KATNAL1: variants seen among roughly 807,000 people sequenced by gnomAD.
KATNAL1 encodes the protein katanin p60 ATPase-containing subunit A-like 1.
Under a neutral mutation model 55.2 loss-of-function variants are expected in KATNAL1, and 32 were observed. The ratio of observed to expected loss-of-function variants is 0.58; its 90% confidence interval spans 0.44 to 0.78. The LOEUF is 0.78. Among genes scored for constraint, KATNAL1 ranks in the 30% least tolerant of loss-of-function variants. The probability of loss-of-function intolerance (pLI) is 0.00; values close to 1 mark genes in which losing one functional copy is unlikely to be tolerated. For missense variants in KATNAL1, 466 were observed against 600.9 expected, an observed-to-expected ratio of 0.78 and a Z score of 2.35; for synonymous variants, 193 against 193.6, an observed-to-expected ratio of 1.00 and a Z score of 0.02.
At chr13:30,256,734 T>C (rs79347570) in intron 3 of KATNAL1, among the ~76,000 whole-genome samples, 5,263 of 152,284 alleles carry the variant, frequency 0.035, 104 homozygotes, top group African/African-American at 0.051. Context: ...TAACATGTTG[T>C]GAGTCTGATA....
chr13:30,243,746 A>G (rs1375087777), intron 4 of KATNAL1, among the ~76,000 whole-genome samples: 2 of 152,116 alleles, frequency 1.3e-5, no homozygotes, highest in East Asian at 3.9e-4. Context: ...GCTACCACGC[A>G]TCGGAAATTA....
At chr13:30,218,227 T>TATATATATATATATATATATA (rs1555258842) in intron 9 of KATNAL1, among the ~76,000 whole-genome samples, 1 of 145,264 alleles carries the variant, frequency 6.9e-6, no homozygotes, top group African/African-American at 2.6e-5. Context: ...TATATATATA[T>TATATATATATATATATATATA]AAAGGACCTG....
chr13:30,290,430 T>C (rs1223300245), intron 1 of KATNAL1, among the ~76,000 whole-genome samples: 1 of 152,130 alleles, frequency 6.6e-6, no homozygotes, highest in Admixed American at 6.5e-5. Flanking sequence ...AATGGACAAA[T>C]TCTATGATGG....
intron 3 of KATNAL1, among the ~76,000 whole-genome samples, chr13:30,268,163 G>A (rs1879927078): frequency 6.6e-6 from 1 of 150,674 alleles, no homozygotes; most frequent in Non-Finnish European, 1.5e-5. Context: ...GGCCTACGCA[G>A]GTAACATCCC....
At chr13:30,277,390 G>A (rs535026612) in intron 3 of KATNAL1, among the ~76,000 whole-genome samples, 8 of 152,262 alleles carry the variant, frequency 5.3e-5, no homozygotes, top group African/African-American at 1.7e-4. Context: ...AGGTTAAATA[G>A]CTTGCTCAAG....
intron 1 of KATNAL1, among the ~76,000 whole-genome samples, chr13:30,293,739 C>T (rs1368570567): frequency 3.3e-5 from 5 of 152,148 alleles, no homozygotes; most frequent in Non-Finnish European, 5.9e-5. Context: ...CACAGGCCCA[C>T]CTCAGTTTAC....
intron 3 of KATNAL1, among the ~76,000 whole-genome samples, chr13:30,269,951 C>T (rs1250385932): frequency 6.7e-6 from 1 of 148,402 alleles, no homozygotes; most frequent in African/African-American, 2.5e-5. Flanking sequence ...TGAGGGGCAC[C>T]TCTGCCCGGC....
chr13:30,278,225 GA>G (rs2137525853), intron 3 of KATNAL1, among the ~76,000 whole-genome samples: 1 of 149,158 alleles, frequency 6.7e-6, no homozygotes, highest in East Asian at 2.0e-4. Flanking sequence ...TTTTTTTCCA[GA>G]CAATATACAA....
intron 1 of KATNAL1, among the ~76,000 whole-genome samples, chr13:30,300,213 G>A (rs1445359830): frequency 3.9e-5 from 6 of 152,182 alleles, no homozygotes; most frequent in African/African-American, 4.8e-5. Flanking sequence ...AATTTTATGT[G>A]AATGATGTCA....
intron 3 of KATNAL1, among the ~76,000 whole-genome samples, chr13:30,274,310 G>A (rs1880592561): frequency 6.6e-6 from 1 of 152,060 alleles, no homozygotes; most frequent in African/African-American, 2.4e-5. Flanking sequence ...TGCAATTTGG[G>A]ATGTAAAATA....
intron 3 of KATNAL1, among the ~76,000 whole-genome samples, chr13:30,259,497 G>A (rs200003122): frequency 8.5e-5 from 13 of 152,194 alleles, no homozygotes; most frequent in African/African-American, 1.4e-4. Context: ...GACAGTGGGC[G>A]CAGGTCAGTG....
chr13:30,221,871 A>C (rs1874895555), intron 9 of KATNAL1, among the ~76,000 whole-genome samples: 1 of 152,094 alleles, frequency 6.6e-6, no homozygotes. Flanking sequence ...GACCAACATG[A>C]GGAAACCCTG....
intron 3 of KATNAL1, among the ~76,000 whole-genome samples, chr13:30,266,115 A>G (rs557854210): frequency 6.6e-6 from 1 of 151,828 alleles, no homozygotes; most frequent in South Asian, 2.1e-4. Context: ...CCCAGGTTCA[A>G]GCGATTCTTC....
chr13:30,229,411 C>A (rs1207369873), intron 8 of KATNAL1, among the ~76,000 whole-genome samples: 1 of 152,088 alleles, frequency 6.6e-6, no homozygotes, highest in East Asian at 1.9e-4. Flanking sequence ...GATCTCAGGA[C>A]CCTTTTATAC....
At chr13:30,287,418 GT>G (rs2137546106) in intron 1 of KATNAL1, among the ~76,000 whole-genome samples, 3 of 152,300 alleles carry the variant, frequency 2.0e-5, no homozygotes, top group Middle Eastern at 6.8e-3. Context: ...CTGCAGCCCT[GT>G]GAAGAGGTGC....
rs1325685316 is a variant in KATNAL1 at position 30,205,924 on chromosome 13, TAGTG to T, written c.*2612_*2615del. 4.2e-5 allele frequency: 4 copies of T among 96,268 alleles called. No individual in the cohort carries two copies. The highest frequency in any genetic ancestry group is 3.9e-5 in the African/African-American group (1 of 25,870). 6.0% of individuals were successfully genotyped at this position (96,268 alleles called of 1,614,324 possible). Reference sequence around the variant, plus strand: ...TAAGGCAACACACTGTCTTCTGAAATAGTGTGTGTGTGTGTGTGTGTGTGTGTGT... The same window carrying T: ...TAAGGCAACACACTGTCTTCTGAAATTGTGTGTGTGTGTGTGTGTGTGTGT... On this transcript the variant is annotated 3_prime_UTR_variant, in exon 11 of 11. Coordinates refer to ENST00000380615, the MANE Select transcript of KATNAL1 (RefSeq NM_032116.5).
At chr13:30,275,826 T>C (rs1211060548) in intron 3 of KATNAL1, among the ~76,000 whole-genome samples, 1 of 152,104 alleles carries the variant, frequency 6.6e-6, no homozygotes, top group Non-Finnish European at 1.5e-5. Flanking sequence ...ATACCTTAAA[T>C]ATATACAATT....
At chr13:30,274,633 G>C (rs940352787) in intron 3 of KATNAL1, among the ~76,000 whole-genome samples, 5 of 151,996 alleles carry the variant, frequency 3.3e-5, no homozygotes, top group African/African-American at 9.7e-5. Flanking sequence ...GAATAAATTG[G>C]TACTACATAT....
chr13:30,230,776 T>C (rs1370351736), intron 7 of KATNAL1, among the ~76,000 whole-genome samples, 182 bp from the exon 8 acceptor site: 1 of 152,128 alleles, frequency 6.6e-6, no homozygotes, highest in East Asian at 1.9e-4. Flanking sequence ...TTTCTAAAAA[T>C]AAAGGTTATA....
Sources: allele counts gnomAD v4.1 joint callset (sites outside exome capture counted in the v4.1 genomes callset), GRCh38; gene constraint gnomAD v4.1.1; transcripts MANE v1.5; gene names NCBI Gene and HGNC (gene_info 2026-07-23, HGNC 2026-07-21).